Variants in SLC47A2 observed in about 807,000 individuals in gnomAD.
SLC47A2 encodes multidrug and toxin extrusion protein 2.
In SLC47A2, 52 loss-of-function variants were observed where a neutral mutation model predicts 67.7. The observed-to-expected ratio is 0.77, with a 90% CI of 0.61 to 0.97. SLC47A2 has a LOEUF of 0.97. Among genes scored for constraint, SLC47A2 ranks in the 50% least tolerant of loss-of-function variants. SLC47A2 has a pLI of 0.00. For missense variants in SLC47A2, 676 were observed against 712.3 expected, an observed-to-expected ratio of 0.95 and a Z score of 0.58; for synonymous variants, 278 against 292.9, an observed-to-expected ratio of 0.95 and a Z score of 0.52.
intron 4 of SLC47A2, among the ~76,000 whole-genome samples, chr17:19,713,017 G>A (rs1230494145): frequency 6.6e-6 from 1 of 152,102 alleles, no homozygotes; most frequent in Non-Finnish European, 1.5e-5. Flanking sequence ...ATCTTAAAAA[G>A]GAATAACCAA....
intron 13 of SLC47A2, among the ~76,000 whole-genome samples, chr17:19,687,427 G>A (rs1433853629): frequency 6.6e-6 from 1 of 151,968 alleles, no homozygotes; most frequent in East Asian, 1.9e-4. Flanking sequence ...TGTGTCCTGT[G>A]AGGCCAGCCA....
Position 19,678,971 on chromosome 17 carries a change from A to AT in SLC47A2, c.1481-66dup. The AT allele has an allele frequency of 2.8e-6, 4 of 1,435,178 alleles. No homozygotes were observed. In the Admixed American group the frequency reaches 7.9e-5, roughly 28 times the overall value. The allele number at this position is 1,435,178 out of a possible 1,614,324, so 88.9% of individuals were successfully genotyped here. A position where few individuals can be genotyped will look rare whatever the true frequency, so the allele number is the denominator to read the frequency against. ...TCAGAGGGAGAGCTTTGGCCTTGGAATCGGGAAACCTAGGTTAACCACCTG... is the reference window on the plus strand; with the variant it reads ...TCAGAGGGAGAGCTTTGGCCTTGGAATTCGGGAAACCTAGGTTAACCACCTG... On this transcript the variant is annotated intron_variant, in intron 16 of 16. Transcript: ENST00000433844.
intron 6 of SLC47A2, 120 bp from the exon 7 acceptor site, chr17:19,708,519 T>G (rs775249312): frequency 3.1e-6 from 5 of 1,613,336 alleles, no homozygotes; most frequent in East Asian, 2.2e-5. Flanking sequence ...TGTTGAGGAG[T>G]TGGAAGAGGC....
In SLC47A2 at chr17:19,681,595, T is replaced by A; in HGVS notation, c.1240A>T (p.Ile414Phe). ...AGGATGCCCAGTGGTAGGCCGATGA[T>A]GTAATATGTGATGGCATTCACAGCG... The part of the protein sequence containing the change: ...GAAVNAITYY[I>F]IGLPLGILLT... The change falls in exon 14 of 17, where the codon ATC becomes TTC. Residue 414 changes from isoleucine to phenylalanine, a missense_variant. Physicochemically the swap from Ile to Phe is conservative, Grantham distance 21. Coordinates refer to ENST00000433844, the MANE Select transcript of SLC47A2 (RefSeq NM_001099646.3). 6.2e-7 allele frequency: 1 copy of A among 1,614,090 alleles called. No individual in the cohort carries two copies. Among genetic ancestry groups the A allele is most frequent in the Non-Finnish European group, 8.5e-7 (1 of 1,180,010 alleles).
At chr17:19,700,671 A>G (rs1331468007) in intron 13 of SLC47A2, among the ~76,000 whole-genome samples, 1 of 149,444 alleles carries the variant, frequency 6.7e-6, no homozygotes, top group Non-Finnish European at 1.5e-5. Context: ...AGGCTGAGGT[A>G]GGAGGATTGC....
intron 13 of SLC47A2, among the ~76,000 whole-genome samples, chr17:19,682,377 T>C (rs2152338353): frequency 6.7e-6 from 1 of 149,886 alleles, no homozygotes; most frequent in Admixed American, 6.6e-5. Flanking sequence ...ATTTATTATT[T>C]TATTTTACAG....
At position 19,708,424 on chromosome 17, in the gene SLC47A2, G is replaced by A. The variant is rs765154828; in HGVS notation, c.532-25C>T. 4 of 1,614,194 alleles carry A rather than the reference G, an allele frequency of 2.5e-6. No individual in the cohort carries two copies. In the East Asian group the frequency reaches 8.9e-5, roughly 36 times the overall value. ...TCTGAAATAAATGAAAACTGGCCCT[G>A]CTAAGGTGTGAGTGAGATGGATGGA... On this transcript the variant is annotated intron_variant, in intron 6 of 16. Transcript: ENST00000433844.
intron 5 of SLC47A2, among the ~76,000 whole-genome samples, chr17:19,710,035 G>A: frequency 6.6e-6 from 1 of 152,132 alleles, no homozygotes; most frequent in Non-Finnish European, 1.5e-5. Flanking sequence ...GGGTCTGCTG[G>A]GACTGCACAC....
chr17:19,702,498 A>G (rs2085811368), intron 13 of SLC47A2, 107 bp downstream of exon 13: 1 of 1,544,254 alleles, frequency 6.5e-7, no homozygotes, highest in East Asian at 2.4e-5. Flanking sequence ...TTAGCCCTTC[A>G]TGTGTATTAA....
intron 13 of SLC47A2, among the ~76,000 whole-genome samples, chr17:19,690,828 A>AC (rs1047127152): frequency 1.3e-5 from 2 of 151,098 alleles, no homozygotes; most frequent in Non-Finnish European, 3.0e-5. Flanking sequence ...AGAAAAGGGA[A>AC]CCCCCCTTGG....
intron 5 of SLC47A2, among the ~76,000 whole-genome samples, chr17:19,711,588 CAAAAAAAAAA>C (rs35308426): frequency 2.5e-3 from 84 of 33,010 alleles, no homozygotes; most frequent in South Asian, 0.011. Context: ...AACTCCGTCT[CAAAAAAAAAA>C]AAAAAAAAAA....
chr17:19,704,699 G>A (rs1190840353), intron 10 of SLC47A2: 2 of 1,549,416 alleles, frequency 1.3e-6, no homozygotes, highest in Non-Finnish European at 1.7e-6. Context: ...GTGTCTCTGT[G>A]GGGAGTAGAG....
At chr17:19,700,711 G>A (rs1168822576) in intron 13 of SLC47A2, among the ~76,000 whole-genome samples, 1 of 150,006 alleles carries the variant, frequency 6.7e-6, no homozygotes, top group African/African-American at 2.5e-5. Flanking sequence ...GCTGCAGTGA[G>A]CTGAGATGGC....
rs1488414907 is a variant in SLC47A2 at position 19,708,758 on chromosome 17, C to T, written c.489G>A (p.Val163=). 6.2e-7 allele frequency: 1 copy of T among 1,613,820 alleles called. No individual in the cohort carries two copies. Among genetic ancestry groups the T allele is most frequent in the Non-Finnish European group, 8.5e-7 (1 of 1,180,038 alleles). Residue 163 remains valine, a splice_region_variant and synonymous_variant, in exon 6 of 17, where the codon GTG becomes GTA. Coordinates refer to ENST00000433844, the MANE Select transcript of SLC47A2 (RefSeq NM_001099646.3). The stretch of plus-strand genomic sequence containing the variant: ...TTGCCAGCAGATTGTAAAGAAAAAT[C>T]ACCTGTATGAAAAGCAAACCCAAAC... ...YVMIFIPGLP[V]IFLYNLLAKY... is the part of the protein sequence containing the mutation.
rs546710125 is a variant in SLC47A2, at chr17:19,683,223, A to G, written c.1165-1553T>C. On this transcript the variant is annotated intron_variant, in intron 13 of 16. Coordinates refer to ENST00000433844, the MANE Select transcript of SLC47A2 (RefSeq NM_001099646.3). ...ATTCTGGGATGTTTTTGTTGTGACA[A>G]CTGTGGGGGTGTGGTGGGGGAAAGT... 2.6e-5 allele frequency among the ~76,000 whole-genome samples: 4 copies of G among 152,242 alleles called. No individual in the cohort carries two copies. The East Asian group carries it at 5.8e-4, about 22-fold the overall frequency.
At chr17:19,708,858 T>C in intron 5 of SLC47A2, 98 bp from the exon 6 acceptor site, 1 of 1,425,108 alleles carries the variant, frequency 7.0e-7, no homozygotes, top group Non-Finnish European at 9.8e-7. Context: ...GTACCCCAGA[T>C]TGGGGAAATT....
chr17:19,681,674 G>C lies in SLC47A2; in HGVS notation c.1165-4C>G, dbSNP rs745747264. 1 of 1,607,164 alleles carries C rather than the reference G, an allele frequency of 6.2e-7. No homozygotes were observed. Among genetic ancestry groups the C allele is most frequent in the South Asian group, 1.1e-5 (1 of 90,436 alleles). On this transcript the variant is annotated splice_polypyrimidine_tract_variant and splice_region_variant and intron_variant, in intron 13 of 16. Transcript: ENST00000433844. ...TCAGAACTCCGCCATAGACACACTAGGAGGGGAGACAGAAATGGGCAAGAG... is the reference window on the plus strand; with the variant it reads ...TCAGAACTCCGCCATAGACACACTACGAGGGGAGACAGAAATGGGCAAGAG...
chr17:19,712,810 C>T, intron 4 of SLC47A2, 65 bp from the exon 5 acceptor site: 3 of 1,504,394 alleles, frequency 2.0e-6, no homozygotes, highest in Non-Finnish European at 2.7e-6. Flanking sequence ...GGCCCTCTCC[C>T]CTGTGTCCTC....
At chr17:19,712,804 C>T (rs2086137784) in intron 4 of SLC47A2, 59 bp from the exon 5 acceptor site, 2 of 1,531,986 alleles carry the variant, frequency 1.3e-6, no homozygotes, top group Non-Finnish European at 1.8e-6. Context: ...AGGCAGGGCC[C>T]TCTCCCCTGT....
Sources: allele counts gnomAD v4.1 joint callset (sites outside exome capture counted in the v4.1 genomes callset), GRCh38; gene constraint gnomAD v4.1.1; transcripts MANE v1.5; gene names NCBI Gene and HGNC (gene_info 2026-07-23, HGNC 2026-07-21).